The following ACTN1 variants were observed in gnomAD, a reference collection of about 807,000 sequenced individuals.
The protein encoded by ACTN1 is actinin alpha 1.
Under a neutral mutation model 119.6 loss-of-function variants are expected in ACTN1, and 30 were observed. The ratio of observed to expected loss-of-function variants is 0.25; its 90% confidence interval spans 0.19 to 0.34. The LOEUF (loss-of-function observed/expected upper bound fraction) is 0.34. ACTN1 is among the 10% of genes least tolerant of loss of function. ACTN1 has a pLI of 1.00. For synonymous variants in ACTN1, 429 were observed against 472.6 expected (o/e 0.91, Z 1.20); for missense variants, 764 against 1,223.4 (o/e 0.62, Z 5.60).
intron 8 of ACTN1, among the ~76,000 whole-genome samples, chr14:68,899,651 C>A (rs1350908530): frequency 6.6e-6 from 1 of 152,202 alleles, no homozygotes; most frequent in East Asian, 1.9e-4. Context: ...ACCCACTACA[C>A]CCACACGCAT....
intron 1 of ACTN1, among the ~76,000 whole-genome samples, chr14:68,935,453 T>C (rs2035452808): frequency 7.4e-6 from 1 of 135,268 alleles, no homozygotes; most frequent in South Asian, 2.6e-4. Context: ...TGGTGCAATC[T>C]CAGCTCACTG....
At chr14:68,875,075 G>T in intron 21 of ACTN1, 58 bp from the exon 22 acceptor site, 4 of 1,598,080 alleles carry the variant, frequency 2.5e-6, no homozygotes. Flanking sequence ...AAGCGGCGCG[G>T]CCCGACACAG....
At chr14:68,929,639 G>A (rs2035122131) in intron 1 of ACTN1, among the ~76,000 whole-genome samples, 1 of 123,906 alleles carries the variant, frequency 8.1e-6, no homozygotes, top group African/African-American at 3.4e-5. Flanking sequence ...GAGGTCCCAG[G>A]AAAAGTCCTT....
Position 68,878,289 on chromosome 14 carries a change from G to T in ACTN1, c.2427+169C>A. ...CCCGGATACACACACGCCCGTGGCC[G>T]GGCCGGCTTTCAGGGAGCCATCTTC... On this transcript the variant is annotated intron_variant, in intron 20 of 21. Transcript: ENST00000394419. This position sits in a 1 kb window ranked among gnomAD's most constrained non-coding sequence, Gnocchi z 4.4. 1.0e-6 allele frequency: 1 copy of T among 970,088 alleles called. No individual in the cohort carries two copies. Among genetic ancestry groups the T allele is most frequent in the Non-Finnish European group, 1.5e-6 (1 of 685,834 alleles). 60.1% of individuals were successfully genotyped at this position (970,088 alleles called of 1,614,324 possible). A position where few individuals can be genotyped will look rare whatever the true frequency, so the allele number is the denominator to read the frequency against.
intron 1 of ACTN1, among the ~76,000 whole-genome samples, chr14:68,949,281 C>T (rs926320154): frequency 6.6e-5 from 10 of 152,184 alleles, no homozygotes; most frequent in African/African-American, 2.4e-4. Context: ...CTCCCAGAAG[C>T]TGCATCCCCC....
In ACTN1 at chr14:68,880,816, G is replaced by A. The variant is rs975175386; in HGVS notation, c.2127C>T (p.Thr709=). 2 of 1,614,086 alleles carry A rather than the reference G, an allele frequency of 1.2e-6. No individual in the cohort carries two copies. Among genetic ancestry groups the A allele is most frequent in the Non-Finnish European group, 1.7e-6 (2 of 1,179,966 alleles). The change falls in exon 17 of 22, where the codon ACC becomes ACT. Residue 709 remains threonine (T), a synonymous_variant. Transcript: ENST00000394419. The surrounding 1 kb of genome is among the most constrained non-coding windows in gnomAD (Gnocchi z 4.6). ...CAAGGCCAGCCCCACCCACCTCCATGGTGTAGTTGGTGTGCTTGTTGTCGA... is the reference window on the plus strand; with the variant it reads ...CAAGGCCAGCCCCACCCACCTCCATAGTGTAGTTGGTGTGCTTGTTGTCGA... ...LIFDNKHTNY[T]MEHIRVGWEQ...
chr14:68,924,701 G>C (rs2034830833), intron 2 of ACTN1, among the ~76,000 whole-genome samples: 1 of 152,208 alleles, frequency 6.6e-6, no homozygotes, highest in African/African-American at 2.4e-5. Context: ...ATCTAGGTGA[G>C]AGTTGACACA....
intron 1 of ACTN1, among the ~76,000 whole-genome samples, chr14:68,952,613 GC>G: frequency 6.8e-6 from 1 of 146,724 alleles, no homozygotes; most frequent in South Asian, 2.1e-4. Context: ...CCCCATCCCT[GC>G]TGGATTTTAA....
At chr14:68,976,519 A>G (rs75928347) in intron 1 of ACTN1, among the ~76,000 whole-genome samples, 15,923 of 152,292 alleles carry the variant, frequency 0.1, 924 homozygotes, top group Non-Finnish European at 0.13. Flanking sequence ...GGAAACAAAC[A>G]AACAAAAAAT....
Position 68,874,883 on chromosome 14 carries a change from C to G in ACTN1, c.2721G>C (p.Ala907=). ...ATTAGAGGTCACTCTCGCCGTACAGCGCCGTGGAGAAGGACATGTAGTCCA... is the reference window on the plus strand; with the variant it reads ...ATTAGAGGTCACTCTCGCCGTACAGGGCCGTGGAGAAGGACATGTAGTCCA... ...GALDYMSFST[A]LYGESDL The change falls in exon 22 of 22, where the codon GCG becomes GCC. Residue 907 remains alanine (A), a synonymous_variant. Transcript: ENST00000394419. The G allele has an allele frequency of 1.2e-6, 2 of 1,600,884 alleles. No homozygotes were observed. The highest frequency in any genetic ancestry group is 1.7e-6 in the Non-Finnish European group (2 of 1,170,080).
intron 14 of ACTN1, among the ~76,000 whole-genome samples, chr14:68,883,584 C>A (rs1011286556): frequency 3.3e-5 from 5 of 151,936 alleles, no homozygotes; most frequent in Admixed American, 3.3e-4. Context: ...CCAGCCTGAG[C>A]AACAAAGAAA....
At chr14:68,944,272 C>A (rs1016081321) in intron 1 of ACTN1, among the ~76,000 whole-genome samples, 1 of 152,190 alleles carries the variant, frequency 6.6e-6, no homozygotes. Context: ...AAGGGGCCAC[C>A]AAGCCGATGA....
At chr14:68,958,181 G>A (rs1297526583) in intron 1 of ACTN1, among the ~76,000 whole-genome samples, 2 of 152,140 alleles carry the variant, frequency 1.3e-5, no homozygotes, top group African/African-American at 4.8e-5. Context: ...TTTCTAAACC[G>A]CTTTCTATGA....
Position 68,874,758 on chromosome 14 carries a change from G to A in ACTN1, c.*101C>T, listed in dbSNP as rs2030645509. Reference sequence around the variant, plus strand: ...CACGTGGGCCCCAGCTCACCCGGGTGGAGGCTGGGAGCTGAAACCGAACCC... The same window carrying A: ...CACGTGGGCCCCAGCTCACCCGGGTAGAGGCTGGGAGCTGAAACCGAACCC... On this transcript the variant is annotated 3_prime_UTR_variant, in exon 22 of 22. Transcript: ENST00000394419. The A allele has an allele frequency of 2.4e-6, 3 of 1,263,514 alleles. No homozygotes were observed. Among genetic ancestry groups the A allele is most frequent in the Non-Finnish European group, 1.0e-6 (1 of 957,934 alleles). 78.3% of individuals were successfully genotyped at this position (1,263,514 alleles called of 1,614,324 possible).
At chr14:68,887,253 C>A in intron 11 of ACTN1, 2 of 312,646 alleles carry the variant, frequency 6.4e-6, no homozygotes, top group South Asian at 2.7e-5. Context: ...AATTTGTAAT[C>A]TTTCACAGCA....
chr14:68,921,002 T>G lies in ACTN1; in HGVS notation c.340+4A>C. On this transcript the variant is annotated splice_donor_region_variant and intron_variant, in intron 3 of 21. Coordinates refer to ENST00000394419, the MANE Select transcript of ACTN1 (RefSeq NM_001130004.2). ...TCCTTGGGGCCACCAGAGGTAGGCC[T>G]TACCTTCGGCTCCGATGGACACCAG... The G allele has an allele frequency of 6.2e-7, 1 of 1,613,936 alleles. No individual in the cohort carries two copies. Among genetic ancestry groups the G allele is most frequent in the South Asian group, 1.1e-5 (1 of 91,054 alleles).
intron 8 of ACTN1, among the ~76,000 whole-genome samples, chr14:68,901,244 GTTTTGTTTTT>G (rs2033305606): frequency 4.7e-5 from 5 of 106,406 alleles, no homozygotes; most frequent in African/African-American, 2.0e-4. Context: ...TTTTGTTTTT[GTTTTGTTTTT>G]TTTTTTTTTT....
chr14:68,915,210 C>T (rs892099626), intron 3 of ACTN1, among the ~76,000 whole-genome samples: 6 of 152,284 alleles, frequency 3.9e-5, no homozygotes, highest in African/African-American at 9.6e-5. Context: ...GAGAGGCCCT[C>T]GTGGTCTGGC....
At chr14:68,913,266 G>A (rs1400927774) in intron 3 of ACTN1, among the ~76,000 whole-genome samples, 2 of 152,150 alleles carry the variant, frequency 1.3e-5, no homozygotes, top group African/African-American at 4.8e-5. Context: ...GCAATCTATG[G>A]TCTTGTGGTT....
Sources: allele counts gnomAD v4.1 joint callset (sites outside exome capture counted in the v4.1 genomes callset), GRCh38; gene constraint gnomAD v4.1.1; non-coding constraint Gnocchi (gnomAD v3.1); transcripts MANE v1.5; gene names NCBI Gene and HGNC (gene_info 2026-07-23, HGNC 2026-07-21).